Variants in PFN2 observed in about 807,000 individuals in gnomAD.
The protein encoded by PFN2 is profilin 2, also known as profilin-2.
In PFN2, 8 loss-of-function variants were observed where a neutral mutation model predicts 15.3. The observed-to-expected ratio is 0.52, with a 90% CI of 0.31 to 0.95. The LOEUF is 0.95. Among genes scored for constraint, PFN2 ranks in the 40% least tolerant of loss-of-function variants. The pLI is 0.05. For missense variants in PFN2, 111 were observed against 182.3 expected (o/e 0.61, Z 2.25); for synonymous variants, 79 against 67.9 (o/e 1.16, Z -0.81).
intron 1 of PFN2, among the ~76,000 whole-genome samples, chr3:149,969,801 C>G (rs1466125920): frequency 6.6e-6 from 1 of 152,124 alleles, no homozygotes; most frequent in East Asian, 1.9e-4. Context: ...TTGCAACCAA[C>G]TCAAAACCAT....
In PFN2 at chr3:149,968,562, CA is replaced by C; in HGVS notation, c.133-13del. 1.4e-6 allele frequency: 2 copies of C among 1,437,218 alleles called. No homozygotes were observed. Among genetic ancestry groups the C allele is most frequent in the South Asian group, 1.2e-5 (1 of 80,220 alleles). 89.0% of individuals were successfully genotyped at this position (1,437,218 alleles called of 1,614,324 possible). On this transcript the variant is annotated splice_polypyrimidine_tract_variant and intron_variant, in intron 1 of 2. Coordinates refer to ENST00000239940, the MANE Select transcript of PFN2 (RefSeq NM_053024.4). Reference sequence around the variant, plus strand: ...TCTATTTCTATTGGCTGCCCCCCACCAAAAAGAAAAAAAAAAAACACACACA... The same window carrying C: ...TCTATTTCTATTGGCTGCCCCCCACCAAAAGAAAAAAAAAAAACACACACA...
intron 2 of PFN2, among the ~76,000 whole-genome samples, chr3:149,967,682 T>C (rs919319855): frequency 6.6e-6 from 1 of 152,238 alleles, no homozygotes; most frequent in African/African-American, 2.4e-5. Flanking sequence ...CAAAAGTTTA[T>C]TTTGAAAAAG....
chr3:149,966,654 G>A, intron 2 of PFN2, 68 bp from the exon 3 acceptor site: 3 of 1,151,762 alleles, frequency 2.6e-6, no homozygotes, highest in Non-Finnish European at 3.9e-6. Context: ...AGTTTTAGCA[G>A]ACAGAACCCG....
chr3:149,968,662 G>A, intron 1 of PFN2, 112 bp from the exon 2 acceptor site: 1 of 770,030 alleles, frequency 1.3e-6, no homozygotes. Flanking sequence ...TGCTACCACT[G>A]CCAGATAGCC....
chr3:149,967,899 C>G (rs547189953), intron 2 of PFN2, among the ~76,000 whole-genome samples: 74 of 152,080 alleles, frequency 4.9e-4, no homozygotes, highest in Non-Finnish European at 8.8e-4. Context: ...AGCAAAGTTC[C>G]TAACTGAAAA....
chr3:149,968,819 GAGTTGAC>G, intron 1 of PFN2: 1 of 392,706 alleles, frequency 2.5e-6, no homozygotes, highest in Non-Finnish European at 4.6e-6. Context: ...AAACTGTAAA[GAGTTGAC>G]AGTTGACACT....
At position 149,966,118 on chromosome 3, in the gene PFN2, A is replaced by G. The variant is rs759014841; in HGVS notation, c.*371T>C. 2 of 1,594,642 alleles carry G rather than the reference A, an allele frequency of 1.3e-6. No homozygotes were observed. The highest frequency in any genetic ancestry group is 1.7e-6 in the Non-Finnish European group (2 of 1,171,886). ...ACAGTTTGGTAGCATTGTGACCATA[A>G]TTAGGGTTGTTGATGAAGACAGTTG... On this transcript the variant is annotated 3_prime_UTR_variant, in exon 3 of 3. Coordinates refer to ENST00000239940, the MANE Select transcript of PFN2 (RefSeq NM_053024.4).
chr3:149,966,425 T>C lies in PFN2; in HGVS notation c.*64A>G. Reference sequence around the variant, plus strand: ...TAATAAAATTTCCAGAATTAAGACTTAAGCTTATAGCTAGGAAAGTTTAAG... The same window carrying C: ...TAATAAAATTTCCAGAATTAAGACTCAAGCTTATAGCTAGGAAAGTTTAAG... On this transcript the variant is annotated 3_prime_UTR_variant, in exon 3 of 3. Coordinates refer to ENST00000239940, the MANE Select transcript of PFN2 (RefSeq NM_053024.4). 1.2e-6 allele frequency: 2 copies of C among 1,602,508 alleles called. No individual in the cohort carries two copies. Among genetic ancestry groups the C allele is most frequent in the Non-Finnish European group, 1.7e-6 (2 of 1,176,174 alleles).
Position 149,966,047 on chromosome 3 carries a change from G to A in PFN2, c.*442C>T. On this transcript the variant is annotated 3_prime_UTR_variant, in exon 3 of 3. Coordinates refer to ENST00000239940, the MANE Select transcript of PFN2 (RefSeq NM_053024.4). ...TACAAATGATCCATTGGGCAAACAG[G>A]AATCATGACATTAGAAAATAGGTAA... 1 of 1,509,640 alleles carries A rather than the reference G, an allele frequency of 6.6e-7. No homozygotes were observed. Among genetic ancestry groups the A allele is most frequent in the Non-Finnish European group, 8.8e-7 (1 of 1,133,392 alleles). The allele number at this position is 1,509,640 out of a possible 1,614,324, so 93.5% of individuals were successfully genotyped here.
At chr3:149,970,048 T>TAA (rs1559987329) in intron 1 of PFN2, among the ~76,000 whole-genome samples, 6 of 148,742 alleles carry the variant, frequency 4.0e-5, no homozygotes, top group African/African-American at 1.5e-4. Flanking sequence ...CTTGGAGAAT[T>TAA]TAAAAAAAAA....
chr3:149,966,115 A>G lies in PFN2; in HGVS notation c.*374T>C. The G allele has an allele frequency of 6.3e-7, 1 of 1,582,202 alleles. No individual in the cohort carries two copies. Among genetic ancestry groups the G allele is most frequent in the East Asian group, 2.2e-5 (1 of 44,624 alleles). Reference sequence around the variant, plus strand: ...TCTACAGTTTGGTAGCATTGTGACCATAATTAGGGTTGTTGATGAAGACAG... The same window carrying G: ...TCTACAGTTTGGTAGCATTGTGACCGTAATTAGGGTTGTTGATGAAGACAG... On this transcript the variant is annotated 3_prime_UTR_variant, in exon 3 of 3. Transcript: ENST00000239940.
Position 149,966,273 on chromosome 3 carries a change from C to T in PFN2, c.*216G>A. On this transcript the variant is annotated 3_prime_UTR_variant, in exon 3 of 3. Coordinates refer to ENST00000239940, the MANE Select transcript of PFN2 (RefSeq NM_053024.4). Reference sequence around the variant, plus strand: ...CATGACTATAACCAATGCTGGAGTACACAAGGAAACAAAACAAAAGTGAAC... The same window carrying T: ...CATGACTATAACCAATGCTGGAGTATACAAGGAAACAAAACAAAAGTGAAC... The T allele has an allele frequency of 6.2e-7, 1 of 1,610,420 alleles. No individual in the cohort carries two copies. Among genetic ancestry groups the T allele is most frequent in the Non-Finnish European group, 8.5e-7 (1 of 1,178,852 alleles).
rs774657162 is a variant in PFN2, at chr3:149,968,343, G to A, written c.325+15C>T. The A allele has an allele frequency of 5.6e-6, 9 of 1,607,060 alleles. No individual in the cohort carries two copies. The highest frequency in any genetic ancestry group is 1.7e-4 in the Middle Eastern group (1 of 5,938). The stretch of plus-strand genomic sequence containing the variant: ...ATGTGGCATGCAACTTTAACCAAAA[G>A]AATGCCTTACTCACCTCTACCAGCT... On this transcript the variant is annotated intron_variant, in intron 2 of 2. Transcript: ENST00000239940.
At chr3:149,970,596 T>G in intron 1 of PFN2, 129 bp downstream of exon 1, 3 of 958,400 alleles carry the variant, frequency 3.1e-6, no homozygotes, top group Non-Finnish European at 4.1e-6. Flanking sequence ...AGCCGCATCC[T>G]CGGCGCCCGC....
chr3:149,969,253 T>G (rs1036946871), intron 1 of PFN2, among the ~76,000 whole-genome samples: 1 of 152,074 alleles, frequency 6.6e-6, no homozygotes, highest in Admixed American at 6.5e-5. Context: ...CGGTAGGCAA[T>G]AGTAAAACAG....
rs1722752682 is a variant in PFN2, at chr3:149,968,498, T to C, written c.185A>G (p.Asn62Ser). The part of the protein sequence containing the change: ...VGKDREGFFT[N>S]GLTLGAKKCS... ...TTTCTTCGCGCCAAGAGTCAAACCG[T>C]TGGTAAAGAAACCTTCCCGGTCTTT... Residue 62 changes from asparagine to serine, a missense_variant, in exon 2 of 3, where the codon AAC (asparagine) becomes AGC (serine). Transcript: ENST00000239940. The C allele has an allele frequency of 1.9e-6, 3 of 1,614,040 alleles. No homozygotes were observed. The highest frequency in any genetic ancestry group is 2.5e-6 in the Non-Finnish European group (3 of 1,180,010).
In PFN2 at chr3:149,967,429, C is replaced by T. The variant is rs368815675; in HGVS notation, c.326-843G>A. ...TTTTCTTATAAATCCTTATAAACAT[C>T]AACTCACACCAGAATACGAGTAACT... On this transcript the variant is annotated intron_variant, in intron 2 of 2. Coordinates refer to ENST00000239940, the MANE Select transcript of PFN2 (RefSeq NM_053024.4). 1.4e-3 allele frequency among the ~76,000 whole-genome samples: 212 copies of T among 152,290 alleles called. 6 individuals are homozygous for T. In the South Asian group the frequency reaches 0.041, roughly 30 times the overall value.
Position 149,970,756 on chromosome 3 carries a change from G to A in PFN2, c.101C>T (p.Ala34Val). 3 of 1,519,966 alleles carry A rather than the reference G, an allele frequency of 2.0e-6. No individual in the cohort carries two copies. Among genetic ancestry groups the A allele is most frequent in the Admixed American group, 2.1e-5 (1 of 48,424 alleles). 94.2% of individuals were successfully genotyped at this position (1,519,966 alleles called of 1,614,324 possible). The change falls in exon 1 of 3, where the codon GCC becomes GTC. Residue 34 changes from alanine (A) to valine (V), a missense_variant. Physicochemically the swap from Ala to Val is moderately conservative, Grantham distance 64. Coordinates refer to ENST00000239940, the MANE Select transcript of PFN2 (RefSeq NM_053024.4). Reference protein sequence around the residue: ...GYCDAKYVWAATAGGVFQSIT... With the variant: ...GYCDAKYVWAVTAGGVFQSIT... ...GCTCTGAAAGACGCCCCCGGCCGTG[G>A]CTGCCCAGACGTATTTGGCGTCGCA...
chr3:149,969,502 TTCCC>T (rs1355716221), intron 1 of PFN2, among the ~76,000 whole-genome samples: 1 of 152,154 alleles, frequency 6.6e-6, no homozygotes, highest in Non-Finnish European at 1.5e-5. Flanking sequence ...CAGATGCCAA[TTCCC>T]TACAAGAATT....
Sources: allele counts gnomAD v4.1 joint callset (sites outside exome capture counted in the v4.1 genomes callset), GRCh38; gene constraint gnomAD v4.1.1; transcripts MANE v1.5; gene names NCBI Gene and HGNC (gene_info 2026-07-23, HGNC 2026-07-21).